Variants in PCDH15 observed in about 807,000 individuals in gnomAD.
PCDH15 encodes protocadherin-15.
PCDH15 carries 129 observed loss-of-function variants against 178.5 expected under a neutral mutation model. That is an observed-to-expected ratio of 0.72 (90% CI 0.63 to 0.84). The LOEUF is 0.84. Ranked by LOEUF, PCDH15 falls within the 40% of genes least tolerant of loss-of-function variation. PCDH15 has a pLI of 0.00. For synonymous variants in PCDH15, 800 were observed against 732.0 expected (o/e 1.09, Z -1.50); for missense variants, 2,230 against 2,099.9 (o/e 1.06, Z -1.21).
rs771829439 is a variant in PCDH15, at chr10:54,543,513, C to A, written c.92-15636G>T. On this transcript the variant is annotated intron_variant, in intron 2 of 37. Transcript: ENST00000644397. ...ATGCCCTGCGAGGAGGACAAGGGAA[C>A]CTTTCCCATTTCGTTTTCATTGTTT... 5.3e-5 allele frequency among the ~76,000 whole-genome samples: 8 copies of A among 152,278 alleles called. No homozygotes were observed. The South Asian group carries it at 1.0e-3, about 20-fold the overall frequency.
chr10:54,075,181 T>C (rs1053959385), intron 17 of PCDH15, among the ~76,000 whole-genome samples: 1 of 151,966 alleles, frequency 6.6e-6, no homozygotes, highest in African/African-American at 2.4e-5. Context: ...ATTGAGACCA[T>C]CCTGGCTAAC....
At chr10:53,979,548 A>G (rs1754873695) in intron 21 of PCDH15, among the ~76,000 whole-genome samples, 1 of 152,198 alleles carries the variant, frequency 6.6e-6, no homozygotes, top group African/African-American at 2.4e-5. Context: ...TCTATAACCT[A>G]TAAATATCTG....
chr10:54,942,151 C>G (rs1591797145), intron 2 of PCDH15, among the ~76,000 whole-genome samples: 1 of 152,054 alleles, frequency 6.6e-6, no homozygotes, highest in Non-Finnish European at 1.5e-5. Context: ...CTTTCCTAAA[C>G]TTTTTCATTC....
In PCDH15 at chr10:55,564,938, C is replaced by A. The variant is rs1842271250; in HGVS notation, c.-156+62687G>T. ...AAATCTACCCTTAGTAATGGATAAA[C>A]CAATCAGAAGATAAGTAAAGAAATA... On this transcript the variant is annotated intron_variant, in intron 2 of 5. Coordinates refer to the PCDH15 transcript ENST00000613346. Among the ~76,000 whole-genome samples, 3 of 151,290 alleles carry A rather than the reference C, an allele frequency of 2.0e-5. No individual in the cohort carries two copies. The South Asian group carries it at 6.2e-4, about 31-fold the overall frequency.
intron 2 of PCDH15, among the ~76,000 whole-genome samples, chr10:55,440,356 G>A (rs751951126): frequency 7.2e-5 from 11 of 152,152 alleles, no homozygotes; most frequent in Non-Finnish European, 1.3e-4. Flanking sequence ...AACAAATCAT[G>A]TGGACGAGAA....
chr10:54,243,351 A>T (rs2055597645), intron 8 of PCDH15, among the ~76,000 whole-genome samples: 1 of 152,136 alleles, frequency 6.6e-6, no homozygotes, highest in African/African-American at 2.4e-5. Context: ...TACTAAAAAT[A>T]CAAAAATTAG....
At chr10:54,803,106 G>A (rs1026801262), upstream of PCDH15, among the ~76,000 whole-genome samples, 24 of 152,066 alleles carry the variant, frequency 1.6e-4, no homozygotes, top group African/African-American at 5.6e-4. Context: ...TTTACTACTA[G>A]AGATGATATT....
intron 1 of PCDH15, among the ~76,000 whole-genome samples, chr10:54,763,407 C>T (rs191893039): frequency 6.6e-6 from 1 of 152,032 alleles, no homozygotes; most frequent in African/African-American, 2.4e-5. Flanking sequence ...CTTGAAAATA[C>T]CCTTTCTCAA....
At chr10:55,265,054 C>T (rs1032298585) in intron 1 of PCDH15, among the ~76,000 whole-genome samples, 10 of 152,040 alleles carry the variant, frequency 6.6e-5, no homozygotes, top group Admixed American at 3.3e-4. Flanking sequence ...CAGCCCTGCT[C>T]CTCTGGGTCC....
At chr10:53,916,938 GAA>G (rs5785027) in intron 25 of PCDH15, among the ~76,000 whole-genome samples, 1 of 151,140 alleles carries the variant, frequency 6.6e-6, no homozygotes, top group East Asian at 1.9e-4. Context: ...ATACCAGAAG[GAA>G]AAAAAAATAC....
intron 18 of PCDH15, among the ~76,000 whole-genome samples, chr10:54,026,337 T>C (rs963709765): frequency 6.6e-6 from 1 of 152,186 alleles, no homozygotes; most frequent in Non-Finnish European, 1.5e-5. Flanking sequence ...CTCAAAGTGC[T>C]GAGATTACAG....
At chr10:54,518,318 G>C (rs895653574) in intron 3 of PCDH15, among the ~76,000 whole-genome samples, 8 of 151,808 alleles carry the variant, frequency 5.3e-5, no homozygotes, top group African/African-American at 1.9e-4. Context: ...CCGCTAGCAA[G>C]ACTAATAAAG....
chr10:55,265,807 T>C (rs980195155), intron 1 of PCDH15, among the ~76,000 whole-genome samples: 1 of 152,136 alleles, frequency 6.6e-6, no homozygotes, highest in Non-Finnish European at 1.5e-5. Flanking sequence ...AAAGGATACA[T>C]GCATTACTCA....
At chr10:55,274,890 C>G (rs1842546525) in intron 1 of PCDH15, among the ~76,000 whole-genome samples, 1 of 152,102 alleles carries the variant, frequency 6.6e-6, no homozygotes, top group East Asian at 1.9e-4. Flanking sequence ...AAAACCACCA[C>G]TGATATGACA....
chr10:55,582,620 A>T (rs868291780), intron 2 of PCDH15, among the ~76,000 whole-genome samples: 10,265 of 86,170 alleles, frequency 0.12, 1,027 homozygotes, highest in African/African-American at 0.24. Flanking sequence ...ATATATATAT[A>T]TATATATATT....
intron 2 of PCDH15, chr10:54,607,991 A>G (rs1299853928): frequency 2.1e-6 from 1 of 479,436 alleles, no homozygotes; most frequent in South Asian, 1.5e-5. Context: ...TGCCTACATC[A>G]TTTTGGTTAT....
At chr10:55,381,643 G>A (rs914148038) in intron 2 of PCDH15, among the ~76,000 whole-genome samples, 2 of 152,008 alleles carry the variant, frequency 1.3e-5, no homozygotes, top group African/African-American at 4.8e-5. Context: ...GGCACTGAGA[G>A]CTGCAGGGCA....
At chr10:55,456,297 A>G (rs1217071230) in intron 2 of PCDH15, among the ~76,000 whole-genome samples, 1 of 152,072 alleles carries the variant, frequency 6.6e-6, no homozygotes, top group Non-Finnish European at 1.5e-5. Flanking sequence ...TTACCTATGG[A>G]GAGAGGGACT....
intron 18 of PCDH15, among the ~76,000 whole-genome samples, chr10:54,033,614 ACTT>A (rs1027523941): frequency 2.0e-5 from 3 of 151,870 alleles, no homozygotes; most frequent in Admixed American, 6.6e-5. Flanking sequence ...AATACTCATC[ACTT>A]CTTAAGTAAT....
Sources: allele counts gnomAD v4.1 joint callset (sites outside exome capture counted in the v4.1 genomes callset), GRCh38; gene constraint gnomAD v4.1.1; transcripts MANE v1.5; gene names NCBI Gene and HGNC (gene_info 2026-07-23, HGNC 2026-07-21).